Variants in TRAPPC9 observed in about 807,000 individuals in gnomAD.
TRAPPC9 encodes the protein IKK2 binding protein.
TRAPPC9 carries 83 observed loss-of-function variants against 124.0 expected under a neutral mutation model. The observed-to-expected ratio is 0.67, with a 90% confidence interval of 0.56 to 0.80. The LOEUF is 0.80. Among genes scored for constraint, TRAPPC9 ranks in the 30% least tolerant of loss-of-function variants. The pLI is 0.00. For synonymous variants in TRAPPC9, 638 were observed against 617.5 expected, an observed-to-expected ratio of 1.03 and a Z score of -0.49; for missense variants, 1,302 against 1,508.3, an observed-to-expected ratio of 0.86 and a Z score of 2.27.
intron 18 of TRAPPC9, among the ~76,000 whole-genome samples, chr8:140,023,452 A>T (rs1242994415): frequency 6.6e-6 from 1 of 152,230 alleles, no homozygotes; most frequent in African/African-American, 2.4e-5. Context: ...TTGTATGCGA[A>T]GGGCCTCCTG....
intron 17 of TRAPPC9, among the ~76,000 whole-genome samples, chr8:140,042,808 C>T (rs1841355519): frequency 1.3e-5 from 2 of 152,208 alleles, no homozygotes; most frequent in South Asian, 4.1e-4. Flanking sequence ...TAGTCTGTGG[C>T]CTTTGCTTCT....
intron 17 of TRAPPC9, among the ~76,000 whole-genome samples, chr8:140,029,373 C>T (rs145888605): frequency 1.4e-3 from 217 of 152,274 alleles, no homozygotes; most frequent in Non-Finnish European, 2.6e-3. Context: ...AGCTTAGTGG[C>T]GCAGGCCTGT....
At chr8:139,997,550 C>T (rs1393493398) in intron 18 of TRAPPC9, among the ~76,000 whole-genome samples, 1 of 132,018 alleles carries the variant, frequency 7.6e-6, no homozygotes, top group African/African-American at 3.1e-5. Flanking sequence ...ACAGAAGAGA[C>T]AACGCATCCT....
chr8:140,263,219 G>A (rs1404941413), intron 15 of TRAPPC9, among the ~76,000 whole-genome samples: 1 of 152,184 alleles, frequency 6.6e-6, no homozygotes, highest in African/African-American at 2.4e-5. Flanking sequence ...AAAAAGAGCA[G>A]AGAGGACGAT....
At chr8:139,988,333 GAACT>G (rs1271401404) in intron 19 of TRAPPC9, among the ~76,000 whole-genome samples, 1 of 151,910 alleles carries the variant, frequency 6.6e-6, no homozygotes, top group African/African-American at 2.4e-5. Flanking sequence ...GGCTGGTCTT[GAACT>G]CCTGATCTCA....
At chr8:140,051,576 CTTTTTT>C (rs1197128988) in intron 17 of TRAPPC9, among the ~76,000 whole-genome samples, 4 of 88,024 alleles carry the variant, frequency 4.5e-5, no homozygotes, top group African/African-American at 1.4e-4. Flanking sequence ...ATTGTTCATT[CTTTTTT>C]TTTTTTTTTT....
In TRAPPC9 at chr8:139,737,173, C is replaced by T. The variant is rs1346934907; in HGVS notation, c.3056-4971G>A. Among the ~76,000 whole-genome samples the T allele has an allele frequency of 1.4e-4, 21 of 152,174 alleles. 1 individual carries two copies. The highest frequency in any genetic ancestry group is 1.4e-3 in the Admixed American group (21 of 15,284). On this transcript the variant is annotated intron_variant, in intron 21 of 22. Transcript: ENST00000438773. Reference sequence around the variant, plus strand: ...CTCTACTCCTGGCTCCCCCAGCATTCGGCTTCTATCGGCGCTCCCCAGGCA... The same window carrying T: ...CTCTACTCCTGGCTCCCCCAGCATTTGGCTTCTATCGGCGCTCCCCAGGCA...
chr8:140,234,121 G>T (rs543008829), intron 16 of TRAPPC9, among the ~76,000 whole-genome samples: 34 of 152,332 alleles, frequency 2.2e-4, no homozygotes, highest in African/African-American at 7.7e-4. Context: ...CCATGCAGCA[G>T]GAGGTGAGTG....
intron 17 of TRAPPC9, among the ~76,000 whole-genome samples, chr8:140,122,096 C>A (rs886289470): frequency 7.9e-5 from 12 of 151,354 alleles, no homozygotes; most frequent in African/African-American, 2.9e-4. Context: ...TTTGAGGATG[C>A]AAACAGTCAT....
chr8:140,423,427 T>G (rs1198256177), intron 5 of TRAPPC9, among the ~76,000 whole-genome samples: 1 of 151,844 alleles, frequency 6.6e-6, no homozygotes, highest in East Asian at 1.9e-4. Flanking sequence ...GCAACAAGAA[T>G]GAAACTCCAT....
intron 21 of TRAPPC9, among the ~76,000 whole-genome samples, chr8:139,854,651 A>G (rs1003278724): frequency 6.6e-6 from 1 of 152,140 alleles, no homozygotes; most frequent in Non-Finnish European, 1.5e-5. Context: ...CCGTAGCTAC[A>G]CTCGGCATCA....
intron 19 of TRAPPC9, among the ~76,000 whole-genome samples, chr8:139,966,127 T>C (rs2131586729): frequency 6.6e-6 from 1 of 152,304 alleles, no homozygotes; most frequent in Non-Finnish European, 1.5e-5. Context: ...AGTCACAGTA[T>C]GAGAGGTGGG....
At chr8:139,741,841 A>C (rs1436978819) in intron 21 of TRAPPC9, among the ~76,000 whole-genome samples, 1 of 152,148 alleles carries the variant, frequency 6.6e-6, no homozygotes, top group Non-Finnish European at 1.5e-5. Context: ...GTGCTGCAGC[A>C]TGGGTCAGTG....
chr8:140,244,289 G>A (rs954608642), intron 16 of TRAPPC9, among the ~76,000 whole-genome samples: 2 of 152,138 alleles, frequency 1.3e-5, no homozygotes, highest in East Asian at 3.8e-4. Flanking sequence ...TCAGGTTCCT[G>A]TTCTGTCAAC....
At chr8:139,826,695 G>A (rs190829903) in intron 21 of TRAPPC9, among the ~76,000 whole-genome samples, 71 of 152,324 alleles carry the variant, frequency 4.7e-4, no homozygotes, top group African/African-American at 1.6e-3. Context: ...AAAGGCTGGA[G>A]TTGACGCCGT....
rs139562576 is a variant in TRAPPC9, at chr8:139,838,065, C to G, written c.3055+47814G>C. 6.7e-3 allele frequency among the ~76,000 whole-genome samples: 1,018 copies of G among 152,332 alleles called. 12 individuals are homozygous for G. Among genetic ancestry groups the G allele is most frequent in the African/African-American group, 0.023 (944 of 41,564 alleles). On this transcript the variant is annotated intron_variant, in intron 21 of 22. Transcript: ENST00000438773. ...GAGTCTAAAGGGCTCGCTGCACCCA[C>G]AGGCCTCCACACCAGGACTCTTCTC...
chr8:139,812,812 G>T (rs1824534206), intron 21 of TRAPPC9, among the ~76,000 whole-genome samples: 1 of 152,218 alleles, frequency 6.6e-6, no homozygotes, highest in South Asian at 2.1e-4. Flanking sequence ...AGGGGCATGG[G>T]CTATAGCTAA....
Position 140,333,638 on chromosome 8 carries a change from G to A in TRAPPC9, c.1496-22264C>T, listed in dbSNP as rs780799064. Among the ~76,000 whole-genome samples, 11 of 152,298 alleles carry A rather than the reference G, an allele frequency of 7.2e-5. No homozygotes were observed. The South Asian group carries it at 8.3e-4, about 11-fold the overall frequency. On this transcript the variant is annotated intron_variant, in intron 9 of 22. Coordinates refer to ENST00000438773, the MANE Select transcript of TRAPPC9 (RefSeq NM_001160372.4). Reference sequence around the variant, plus strand: ...ACTCCTGACCTCAGGTGATCCACCCGCCTCAGCTTCCCAAAGTGCTGGGAT... The same window carrying A: ...ACTCCTGACCTCAGGTGATCCACCCACCTCAGCTTCCCAAAGTGCTGGGAT...
At chr8:140,427,377 TCTCA>T (rs1374137597) in intron 4 of TRAPPC9, among the ~76,000 whole-genome samples, 3 of 143,406 alleles carry the variant, frequency 2.1e-5, no homozygotes, top group East Asian at 2.7e-4. Flanking sequence ...TATATCTCTC[TCTCA>T]CACACACACA....
Sources: allele counts gnomAD v4.1 joint callset (sites outside exome capture counted in the v4.1 genomes callset), GRCh38; gene constraint gnomAD v4.1.1; transcripts MANE v1.5; gene names NCBI Gene and HGNC (gene_info 2026-07-23, HGNC 2026-07-21).